DGKI: variants seen among roughly 807,000 people sequenced by gnomAD.
DGKI encodes DAG kinase iota.
Under a neutral mutation model 147.5 loss-of-function variants are expected in DGKI, and 55 were observed. That is an observed-to-expected ratio of 0.37 (90% CI 0.30 to 0.47). The LOEUF (loss-of-function observed/expected upper bound fraction) is 0.47, where lower values mean the gene tolerates loss of function less well. DGKI is among the 20% of genes least tolerant of loss of function. The pLI, the probability that DGKI is intolerant of heterozygous loss-of-function variation, is 1.00. For missense variants in DGKI, 1,007 were observed against 1,323.8 expected (o/e 0.76, Z 3.71); for synonymous variants, 469 against 477.1 (o/e 0.98, Z 0.22).
chr7:137,817,462 A>G (rs1430393593), intron 1 of DGKI, among the ~76,000 whole-genome samples: 2 of 152,260 alleles, frequency 1.3e-5, no homozygotes, highest in Non-Finnish European at 2.9e-5. Context: ...CGTACATTCA[A>G]TAATAACAAA....
chr7:137,803,446 C>T (rs1464892527), intron 1 of DGKI, among the ~76,000 whole-genome samples: 1 of 152,144 alleles, frequency 6.6e-6, no homozygotes, highest in Non-Finnish European at 1.5e-5. Flanking sequence ...CATATGAATC[C>T]TATCCACTGA....
chr7:137,608,175 A>G (rs115767214), intron 10 of DGKI, among the ~76,000 whole-genome samples: 2,229 of 152,276 alleles, frequency 0.015, 70 homozygotes, highest in African/African-American at 0.05. Flanking sequence ...ACTTGAAGGA[A>G]TCTTGTCTCA....
chr7:137,659,377 C>G (rs1349158966), intron 3 of DGKI, among the ~76,000 whole-genome samples: 1 of 152,154 alleles, frequency 6.6e-6, no homozygotes, highest in Non-Finnish European at 1.5e-5. Flanking sequence ...CGGTGTATGA[C>G]TACATTTCAA....
chr7:137,844,414 CT>C (rs1798650791), intron 1 of DGKI, among the ~76,000 whole-genome samples: 1 of 152,162 alleles, frequency 6.6e-6, no homozygotes, highest in Non-Finnish European at 1.5e-5. Flanking sequence ...ATATATTAGT[CT>C]GCATAAACAT....
chr7:137,846,539 G>C lies in DGKI; in HGVS notation c.324C>G (p.Ala108=). ...AGAAALDEPA[A]AGQKEKDEAL... is the part of the protein sequence containing the mutation. Reference sequence around the variant, plus strand: ...CTTCGTCCTTCTCCTTCTGGCCGGCGGCCGCGGGCTCGTCCAGGGCAGCGG... The same window carrying C: ...CTTCGTCCTTCTCCTTCTGGCCGGCCGCCGCGGGCTCGTCCAGGGCAGCGG... The change falls in exon 1 of 33, where the codon GCC becomes GCG. Residue 108 remains alanine, a synonymous_variant. Coordinates refer to ENST00000614521, the MANE Select transcript of DGKI (RefSeq NM_001321708.2). This position sits in a 1 kb window ranked among gnomAD's most constrained non-coding sequence, Gnocchi z 4.0. 1.3e-6 allele frequency: 2 copies of C among 1,552,986 alleles called. No homozygotes were observed. Among genetic ancestry groups the C allele is most frequent in the South Asian group, 2.2e-5 (2 of 89,362 alleles).
At chr7:137,571,053 C>T (rs1365598617) in intron 19 of DGKI, 122 bp downstream of exon 19, 1 of 678,912 alleles carries the variant, frequency 1.5e-6, no homozygotes, top group Admixed American at 3.8e-5. Context: ...CTAAGCAACT[C>T]TATAATTCAT....
At chr7:137,791,635 G>A (rs1193015617) in intron 1 of DGKI, among the ~76,000 whole-genome samples, 1 of 152,200 alleles carries the variant, frequency 6.6e-6, no homozygotes, top group African/African-American at 2.4e-5. Flanking sequence ...TTCTGTTGGA[G>A]AGATGCTCTG....
At chr7:137,711,684 CTTTT>C (rs71177918) in intron 1 of DGKI, among the ~76,000 whole-genome samples, 5 of 79,726 alleles carry the variant, frequency 6.3e-5, no homozygotes, top group Non-Finnish European at 1.1e-4. Flanking sequence ...GGGATACCAA[CTTTT>C]TTTTTTTTTT....
intron 8 of DGKI, among the ~76,000 whole-genome samples, chr7:137,612,485 G>T (rs968578296): frequency 6.6e-6 from 1 of 151,890 alleles, no homozygotes. Context: ...TTCTATTTTT[G>T]TATAAATACA....
At chr7:137,647,860 A>G (rs1267773008) in intron 5 of DGKI, among the ~76,000 whole-genome samples, 1 of 152,236 alleles carries the variant, frequency 6.6e-6, no homozygotes, top group Non-Finnish European at 1.5e-5. Context: ...AGTAGGGCAC[A>G]TTATCAGAGG....
At chr7:137,663,394 C>A (rs765621055) in intron 3 of DGKI, among the ~76,000 whole-genome samples, 1 of 152,192 alleles carries the variant, frequency 6.6e-6, no homozygotes, top group Non-Finnish European at 1.5e-5. Flanking sequence ...GCAGAGAAAG[C>A]AAATTCTTTA....
Position 137,390,885 on chromosome 7 carries a change from G to A in DGKI, c.*335C>T. ...ATGCATAGGGGGAGGATGGAGCAGT[G>A]CCATTTATACGAACATCCTTTGAAT... On this transcript the variant is annotated 3_prime_UTR_variant, in exon 33 of 33. Coordinates refer to ENST00000614521, the MANE Select transcript of DGKI (RefSeq NM_001321708.2). 1 of 293,790 alleles carries A rather than the reference G, an allele frequency of 3.4e-6. No homozygotes were observed. Among genetic ancestry groups the A allele is most frequent in the Non-Finnish European group, 6.5e-6 (1 of 154,674 alleles). The allele number at this position is 293,790 out of a possible 1,614,324, so 18.2% of individuals were successfully genotyped here.
chr7:137,708,008 T>C (rs560858471), intron 1 of DGKI, among the ~76,000 whole-genome samples: 4 of 152,304 alleles, frequency 2.6e-5, no homozygotes, highest in African/African-American at 9.6e-5. Context: ...AGGTTTCAAT[T>C]ATCTGAGCCT....
chr7:137,839,768 TA>T (rs1798493300), intron 1 of DGKI, among the ~76,000 whole-genome samples: 1 of 152,228 alleles, frequency 6.6e-6, no homozygotes, highest in African/African-American at 2.4e-5. Context: ...AGCCAGGCTA[TA>T]AATATTACAG....
At chr7:137,707,426 T>G (rs193053881) in intron 1 of DGKI, among the ~76,000 whole-genome samples, 10 of 152,358 alleles carry the variant, frequency 6.6e-5, no homozygotes, top group African/African-American at 2.4e-4. Context: ...ACCATTGATA[T>G]GTCTGGATCT....
At chr7:137,508,990 T>A (rs1000141345) in intron 21 of DGKI, among the ~76,000 whole-genome samples, 1 of 152,026 alleles carries the variant, frequency 6.6e-6, no homozygotes, top group Non-Finnish European at 1.5e-5. Context: ...AATAAGGAAC[T>A]CAAGGAGGAG....
At chr7:137,564,572 TA>T (rs200050405) in intron 19 of DGKI, among the ~76,000 whole-genome samples, 16 of 138,178 alleles carry the variant, frequency 1.2e-4, no homozygotes, top group Non-Finnish European at 1.9e-4. Flanking sequence ...TGACTTCTTT[TA>T]AAAAAAACAA....
rs1027934441 is a variant in DGKI, at chr7:137,418,946, C to T, written c.2762-6739G>A. ...GGAGTAATAATACTCTACTTTCTAGCGTGTATTTGGTCTTAGTCTAACCTT... is the reference window on the plus strand; with the variant it reads ...GGAGTAATAATACTCTACTTTCTAGTGTGTATTTGGTCTTAGTCTAACCTT... On this transcript the variant is annotated intron_variant, in intron 28 of 32. Transcript: ENST00000614521. Among the ~76,000 whole-genome samples the T allele has an allele frequency of 5.3e-5, 8 of 152,106 alleles. No homozygotes were observed. The East Asian group carries it at 9.6e-4, about 18-fold the overall frequency.
At chr7:137,605,313 T>TATAAA (rs564995858) in intron 10 of DGKI, among the ~76,000 whole-genome samples, 19,857 of 121,106 alleles carry the variant, frequency 0.16, 2,107 homozygotes, top group East Asian at 0.33. Context: ...GTCTCAAAAA[T>TATAAA]ATAAAATAAA....
Sources: allele counts gnomAD v4.1 joint callset (sites outside exome capture counted in the v4.1 genomes callset), GRCh38; gene constraint gnomAD v4.1.1; non-coding constraint Gnocchi (gnomAD v3.1); transcripts MANE v1.5; gene names NCBI Gene and HGNC (gene_info 2026-07-23, HGNC 2026-07-21).